CFAP95: variants seen among roughly 807,000 people sequenced by gnomAD.
CFAP95 encodes cilia- and flagella-associated protein 95.
chr9:69,862,389 C>A, the CFAP95 span, among the ~76,000 whole-genome samples: 1 of 152,138 alleles, frequency 6.6e-6, no homozygotes, highest in African/African-American at 2.4e-5. Context: ...TACATGAACA[C>A]CTTCAACCGG....
the CFAP95 span, among the ~76,000 whole-genome samples, chr9:69,893,081 G>A: frequency 7.9e-5 from 12 of 152,328 alleles, no homozygotes; most frequent in East Asian, 1.9e-4. Context: ...TTAGCCATCT[G>A]TGGATGGCAA....
chr9:69,843,651 T>G, the CFAP95 span, among the ~76,000 whole-genome samples: 2 of 139,914 alleles, frequency 1.4e-5, no homozygotes, highest in African/African-American at 5.5e-5. Context: ...TCCTTCTTTC[T>G]TCTTCTTTTT....
the CFAP95 span, among the ~76,000 whole-genome samples, chr9:69,888,038 G>A: frequency 6.6e-6 from 1 of 152,164 alleles, no homozygotes; most frequent in Non-Finnish European, 1.5e-5. Flanking sequence ...GACTGAGGCA[G>A]ATATCTCAAA....
the CFAP95 span, among the ~76,000 whole-genome samples, chr9:69,845,495 G>A: frequency 1.7e-4 from 26 of 152,168 alleles, 1 homozygote; most frequent in Admixed American, 1.7e-3. Context: ...TTTGAAATGG[G>A]GCAGGTGTAA....
chr9:69,847,116 A>G, the CFAP95 span, among the ~76,000 whole-genome samples: 1 of 152,208 alleles, frequency 6.6e-6, no homozygotes, highest in Non-Finnish European at 1.5e-5. Flanking sequence ...CGGGGCAGGG[A>G]CAGTAGTGGT....
the CFAP95 span, among the ~76,000 whole-genome samples, chr9:69,898,476 G>C: frequency 2.0e-5 from 3 of 152,174 alleles, no homozygotes; most frequent in Non-Finnish European, 4.4e-5. Context: ...TTACAGGAAA[G>C]TTTCAAAAAT....
At chr9:69,845,327 G>C in the CFAP95 span, among the ~76,000 whole-genome samples, 1 of 152,158 alleles carries the variant, frequency 6.6e-6, no homozygotes, top group African/African-American at 2.4e-5. Context: ...AATGTCACGA[G>C]CTTTGTGGCT....
chr9:69,821,731 GCT>G, the CFAP95 span, among the ~76,000 whole-genome samples: 1 of 150,106 alleles, frequency 6.7e-6, no homozygotes, highest in Non-Finnish European at 1.5e-5. Context: ...TTTGGCATGA[GCT>G]CTGTTTACTT....
At chr9:69,838,307 A>G in the CFAP95 span, among the ~76,000 whole-genome samples, 6 of 152,112 alleles carry the variant, frequency 3.9e-5, no homozygotes, top group Non-Finnish European at 7.4e-5. Context: ...CATTGAATCT[A>G]TAAATTACCT....
the CFAP95 span, among the ~76,000 whole-genome samples, chr9:69,903,037 C>G: frequency 2.0e-5 from 3 of 152,150 alleles, no homozygotes; most frequent in Non-Finnish European, 4.4e-5. Flanking sequence ...CTGGGTCAGA[C>G]TATAAAAGCA....
At chr9:69,858,696 A>G in the CFAP95 span, among the ~76,000 whole-genome samples, 19 of 152,354 alleles carry the variant, frequency 1.2e-4, no homozygotes, top group African/African-American at 4.6e-4. Context: ...AGAGGCTTGC[A>G]GGAACCTAAC....
At chr9:69,848,143 C>A in the CFAP95 span, among the ~76,000 whole-genome samples, 3 of 152,180 alleles carry the variant, frequency 2.0e-5, no homozygotes, top group African/African-American at 7.2e-5. Context: ...AGACACAAGA[C>A]TCTGGTGACT....
At chr9:69,860,562 A>G in the CFAP95 span, among the ~76,000 whole-genome samples, 1 of 151,062 alleles carries the variant, frequency 6.6e-6, no homozygotes, top group Non-Finnish European at 1.5e-5. Flanking sequence ...TCAAAAAGAA[A>G]TTTACCTTAG....
the CFAP95 span, among the ~76,000 whole-genome samples, chr9:69,835,321 C>T: frequency 2.0e-5 from 3 of 152,158 alleles, no homozygotes; most frequent in Non-Finnish European, 4.4e-5. Context: ...GTCAAGTCAC[C>T]ACAAGCTAGA....
the CFAP95 span, chr9:69,858,030 G>C: frequency 6.4e-7 from 1 of 1,570,026 alleles, no homozygotes; most frequent in Non-Finnish European, 8.8e-7. Context: ...TGATTCAGAA[G>C]GTTTGTTTGC....
the CFAP95 span, among the ~76,000 whole-genome samples, chr9:69,884,840 T>G: frequency 6.9e-6 from 1 of 144,040 alleles, no homozygotes; most frequent in Non-Finnish European, 1.5e-5. Context: ...CTTTCCTGAC[T>G]TCTATTAGAT....
chr9:69,890,140 G>A, the CFAP95 span, among the ~76,000 whole-genome samples: 1 of 152,052 alleles, frequency 6.6e-6, no homozygotes, highest in Non-Finnish European at 1.5e-5. Context: ...GGATTGGACT[G>A]TATCTTTAAA....
chr9:69,843,521 C>G, the CFAP95 span, among the ~76,000 whole-genome samples: 1 of 6,426 alleles, frequency 1.6e-4, no homozygotes, highest in African/African-American at 3.7e-4. Context: ...TCCTCCTCCT[C>G]CTCCTCCTCC....
the CFAP95 span, among the ~76,000 whole-genome samples, chr9:69,898,660 T>C: frequency 1.3e-5 from 2 of 152,302 alleles, no homozygotes; most frequent in East Asian, 3.9e-4. Flanking sequence ...TACAGTGCAA[T>C]TATACAATCC....
Sources: gnomAD v4.1 joint callset for allele counts (sites outside exome capture counted in the v4.1 genomes callset) on GRCh38, gnomAD v4.1.1 for gene constraint, MANE v1.5 for transcripts, NCBI Gene and HGNC (gene_info 2026-07-23, HGNC 2026-07-21) for gene names.